The following IL20RB variants were observed in gnomAD, a reference collection of about 807,000 sequenced individuals.
IL20RB encodes interleukin 20 receptor subunit beta.
IL20RB carries 21 observed loss-of-function variants against 33.3 expected under a neutral mutation model. That is an observed-to-expected ratio of 0.63 (90% CI 0.45 to 0.91). IL20RB has a LOEUF of 0.91. Among genes scored for constraint, IL20RB ranks in the 40% least tolerant of loss-of-function variants. IL20RB has a pLI of 0.00. For synonymous variants in IL20RB, 147 were observed against 146.8 expected (o/e 1.00, Z -0.01); for missense variants, 345 against 384.8 (o/e 0.90, Z 0.86).
intron 1 of IL20RB, among the ~76,000 whole-genome samples, chr3:136,963,827 A>T (rs1169003552): frequency 2.3e-5 from 2 of 86,982 alleles, no homozygotes; most frequent in Admixed American, 1.3e-4. Flanking sequence ...ATATCTCCTA[A>T]TGCTATCCCT....
chr3:136,980,889 C>T (rs1194877916), intron 2 of IL20RB, among the ~76,000 whole-genome samples: 1 of 152,162 alleles, frequency 6.6e-6, no homozygotes, highest in Non-Finnish European at 1.5e-5. Context: ...ATGGATAAAT[C>T]ACTGGAGACT....
At chr3:136,996,385 A>C (rs1350323370) in intron 6 of IL20RB, among the ~76,000 whole-genome samples, 1 of 152,094 alleles carries the variant, frequency 6.6e-6, no homozygotes, top group East Asian at 1.9e-4. Context: ...CATCCCTGTC[A>C]CCCTAGGGAA....
chr3:137,000,802 T>C (rs1942228603), intron 6 of IL20RB, among the ~76,000 whole-genome samples: 1 of 152,206 alleles, frequency 6.6e-6, no homozygotes, highest in Non-Finnish European at 1.5e-5. Flanking sequence ...TCTTCTGTTG[T>C]GATTTCTCTC....
At chr3:137,008,485 A>G (rs1932996175) in intron 6 of IL20RB, among the ~76,000 whole-genome samples, 1 of 152,182 alleles carries the variant, frequency 6.6e-6, no homozygotes, top group Non-Finnish European at 1.5e-5. Flanking sequence ...TGATTTTTAA[A>G]TGTTGAAAAC....
At chr3:137,009,809 G>T (rs959895911) in intron 6 of IL20RB, among the ~76,000 whole-genome samples, 1 of 151,996 alleles carries the variant, frequency 6.6e-6, no homozygotes, top group Non-Finnish European at 1.5e-5. Context: ...GCAGGTGTGA[G>T]CCATTGCACC....
chr3:136,980,517 A>G lies in IL20RB; in HGVS notation c.140A>G (p.Asn47Ser). The G allele has an allele frequency of 6.2e-7, 1 of 1,614,174 alleles. No individual in the cohort carries two copies. The highest frequency in any genetic ancestry group is 8.5e-7 in the Non-Finnish European group (1 of 1,180,024). Residue 47 changes from asparagine (N) to serine (S), a missense_variant, in exon 2 of 7, where the codon AAC becomes AGC. Coordinates refer to ENST00000329582, the MANE Select transcript of IL20RB (RefSeq NM_144717.4). ...CAGAACCTCTCTGTACTCTCAACCAACATGAAGCATCTCTTGATGTGGAGC... is the reference window on the plus strand; with the variant it reads ...CAGAACCTCTCTGTACTCTCAACCAGCATGAAGCATCTCTTGATGTGGAGC... ...APQNLSVLST[N>S]MKHLLMWSPV...
intron 3 of IL20RB, among the ~76,000 whole-genome samples, chr3:136,988,282 A>G (rs1223161208): frequency 1.3e-5 from 2 of 152,214 alleles, no homozygotes; most frequent in Admixed American, 1.3e-4. Context: ...CTCCATCACC[A>G]GTAACCAGGG....
intron 4 of IL20RB, among the ~76,000 whole-genome samples, chr3:136,990,854 C>T (rs1225173037): frequency 2.0e-5 from 3 of 152,188 alleles, no homozygotes; most frequent in African/African-American, 7.2e-5. Flanking sequence ...CAAGAGCCCA[C>T]GGTAGGATAT....
chr3:136,985,065 G>A (rs1221767937), intron 3 of IL20RB, among the ~76,000 whole-genome samples: 1 of 152,188 alleles, frequency 6.6e-6, no homozygotes, highest in Non-Finnish European at 1.5e-5. Context: ...GGGATGTGCT[G>A]TAAAACCTTG....
intron 5 of IL20RB, among the ~76,000 whole-genome samples, chr3:136,992,864 G>C (rs1039412929): frequency 1.3e-5 from 2 of 152,164 alleles, no homozygotes; most frequent in Non-Finnish European, 2.9e-5. Flanking sequence ...ACCATGCTCA[G>C]CTCATTTAGG....
chr3:136,989,109 T>C (rs560654089), intron 3 of IL20RB, among the ~76,000 whole-genome samples: 1 of 152,194 alleles, frequency 6.6e-6, no homozygotes, highest in African/African-American at 2.4e-5. Context: ...GAGCAAGAGA[T>C]AATGTTTACT....
At chr3:137,009,475 C>T (rs1004599608) in intron 6 of IL20RB, among the ~76,000 whole-genome samples, 6 of 152,152 alleles carry the variant, frequency 3.9e-5, no homozygotes, top group Non-Finnish European at 8.8e-5. Flanking sequence ...AGGTGCTGTT[C>T]ATAAAGCATC....
At chr3:136,970,480 T>C (rs1431365492) in intron 1 of IL20RB, among the ~76,000 whole-genome samples, 2 of 152,202 alleles carry the variant, frequency 1.3e-5, no homozygotes, top group Non-Finnish European at 2.9e-5. Flanking sequence ...ATTTCTGGAA[T>C]CTCTATTCTG....
intron 1 of IL20RB, chr3:136,969,510 C>G (rs1941411329): frequency 7.0e-6 from 1 of 142,608 alleles, no homozygotes; most frequent in Non-Finnish European, 1.5e-5. Flanking sequence ...AACTCCCTGA[C>G]CCCTTGCGCT....
chr3:136,981,315 C>A (rs1308375771), intron 2 of IL20RB, among the ~76,000 whole-genome samples: 2 of 111,124 alleles, frequency 1.8e-5, no homozygotes, highest in Admixed American at 2.1e-4. Context: ...CTGTTTCCTG[C>A]CACACTAGTC....
intron 1 of IL20RB, among the ~76,000 whole-genome samples, chr3:136,979,300 T>C (rs955188832): frequency 3.3e-5 from 5 of 152,042 alleles, no homozygotes; most frequent in Admixed American, 3.3e-4. Flanking sequence ...GGAAACCAGG[T>C]GGGGTGTCCC....
At chr3:136,962,745 C>T (rs1287419066) in intron 1 of IL20RB, among the ~76,000 whole-genome samples, 2 of 133,982 alleles carry the variant, frequency 1.5e-5, no homozygotes, top group Non-Finnish European at 3.1e-5. Context: ...AGCAAGACTC[C>T]ATCTCAAAAA....
intron 6 of IL20RB, among the ~76,000 whole-genome samples, chr3:137,007,223 C>T (rs1454706061): frequency 6.6e-6 from 1 of 151,804 alleles, no homozygotes; most frequent in African/African-American, 2.4e-5. Context: ...GAGGTGTCTC[C>T]CAGTTAGGCT....
intron 2 of IL20RB, 50 bp downstream of exon 2, chr3:136,980,642 C>T (rs772058180): frequency 4.3e-6 from 7 of 1,609,792 alleles, no homozygotes; most frequent in Non-Finnish European, 5.9e-6. Context: ...AAGTTGGTTC[C>T]TGAAGGCATA....
Sources: gnomAD v4.1 joint callset for allele counts (sites outside exome capture counted in the v4.1 genomes callset) on GRCh38, gnomAD v4.1.1 for gene constraint, MANE v1.5 for transcripts, NCBI Gene and HGNC (gene_info 2026-07-23, HGNC 2026-07-21) for gene names.